DBX2: variants seen among roughly 807,000 people sequenced by gnomAD.
The protein encoded by DBX2 is homeobox protein DBX2.
A neutral mutation model predicts 17.7 loss-of-function variants in DBX2; 16 were observed. The observed-to-expected ratio is 0.90, with a 90% CI of 0.61 to 1.37. DBX2 has a LOEUF of 1.37. Among genes scored for constraint, DBX2 ranks in the 40% most tolerant of loss-of-function variants. The probability of loss-of-function intolerance (pLI) is 0.00; values close to 1 mark genes in which losing one functional copy is unlikely to be tolerated. For synonymous variants in DBX2, 255 were observed against 183.8 expected, an observed-to-expected ratio of 1.39 and a Z score of -3.13; for missense variants, 538 against 433.8, an observed-to-expected ratio of 1.24 and a Z score of -2.13.
chr12:45,045,085 G>A (rs1242066484), intron 1 of DBX2, among the ~76,000 whole-genome samples: 1 of 151,986 alleles, frequency 6.6e-6, no homozygotes, highest in Non-Finnish European at 1.5e-5. Flanking sequence ...TCTAAAATGA[G>A]GATTCTAACA....
In DBX2 at chr12:45,050,512, A is replaced by G. The variant is rs1348864988; in HGVS notation, c.403+13T>C. ...GCGGGCGCGGCTGGGGAGGGAGGGGAGAGCTGGCTCACCTGGCGCTGAAGG... is the reference window on the plus strand; with the variant it reads ...GCGGGCGCGGCTGGGGAGGGAGGGGGGAGCTGGCTCACCTGGCGCTGAAGG... On this transcript the variant is annotated intron_variant, in intron 1 of 3. Transcript: ENST00000332700. The G allele has an allele frequency of 1.9e-6, 3 of 1,544,734 alleles. No homozygotes were observed. The highest frequency in any genetic ancestry group is 2.6e-6 in the Non-Finnish European group (3 of 1,146,032).
intron 2 of DBX2, among the ~76,000 whole-genome samples, chr12:45,030,397 A>G (rs1946403342): frequency 6.6e-6 from 1 of 152,224 alleles, no homozygotes; most frequent in South Asian, 2.1e-4. Context: ...AGACTCACCA[A>G]TAACTCATGT....
chr12:45,035,948 G>C, intron 2 of DBX2, 71 bp downstream of exon 2: 1 of 1,424,846 alleles, frequency 7.0e-7, no homozygotes, highest in Non-Finnish European at 9.5e-7. Flanking sequence ...TAGTTTTCCA[G>C]AGCACATTAA....
In DBX2 at chr12:45,026,575, C is replaced by T. The variant is rs906233138; in HGVS notation, c.500-2681G>A. Among the ~76,000 whole-genome samples the T allele has an allele frequency of 7.2e-5, 11 of 152,202 alleles. 1 individual carries two copies. Among genetic ancestry groups the T allele is most frequent in the Admixed American group, 6.5e-4 (10 of 15,286 alleles). On this transcript the variant is annotated intron_variant, in intron 2 of 3. Transcript: ENST00000332700. ...CCACAACAAATGTACTAACCCTACA[C>T]AATACTGGCATAAACTGATTTGTAT...
chr12:45,035,141 T>G (rs996481982), intron 2 of DBX2, among the ~76,000 whole-genome samples: 1 of 152,252 alleles, frequency 6.6e-6, no homozygotes, highest in African/African-American at 2.4e-5. Context: ...CCAAAACACA[T>G]GCACAGAGGC....
intron 1 of DBX2, among the ~76,000 whole-genome samples, chr12:45,047,500 T>C (rs1374531921): frequency 6.6e-6 from 1 of 152,122 alleles, no homozygotes; most frequent in East Asian, 1.9e-4. Flanking sequence ...GTGTGGCTTT[T>C]CTTGCTGTAA....
At chr12:45,027,741 C>T (rs11182798) in intron 2 of DBX2, among the ~76,000 whole-genome samples, 3,158 of 152,310 alleles carry the variant, frequency 0.021, 111 homozygotes, top group East Asian at 0.18. Context: ...AATAATTCGT[C>T]TCCACTGTCC....
chr12:45,050,655 T>G lies in DBX2; in HGVS notation c.273A>C (p.Gln91His). ...VPLKLCPAAE[Q>H]VSPAGAPYGT... ...CGTAGGGCGCCCCGGCGGGGCTAAC[T>G]TGTTCGGCTGCGGGGCACAGCTTTA... Residue 91 changes from glutamine to histidine, a missense_variant, in exon 1 of 4, where the codon CAA (glutamine) becomes CAC (histidine). Physicochemically the swap from Gln to His is conservative, Grantham distance 24. Coordinates refer to ENST00000332700, the MANE Select transcript of DBX2 (RefSeq NM_001004329.3). 1.3e-6 allele frequency: 2 copies of G among 1,549,254 alleles called. No homozygotes were observed. Among genetic ancestry groups the G allele is most frequent in the Non-Finnish European group, 8.7e-7 (1 of 1,146,646 alleles).
chr12:45,036,943 G>A (rs536269345), intron 1 of DBX2, among the ~76,000 whole-genome samples: 1 of 152,244 alleles, frequency 6.6e-6, no homozygotes, highest in East Asian at 1.9e-4. Context: ...TATTCATAAA[G>A]TTTTCAGGAG....
chr12:45,023,552 C>T (rs1946364465), intron 3 of DBX2, among the ~76,000 whole-genome samples, 155 bp downstream of exon 3: 1 of 152,138 alleles, frequency 6.6e-6, no homozygotes, highest in Non-Finnish European at 1.5e-5. Context: ...CAGTACCATG[C>T]CTGGTATAAG....
chr12:45,023,089 T>G (rs979687498), intron 3 of DBX2, among the ~76,000 whole-genome samples: 2 of 152,240 alleles, frequency 1.3e-5, no homozygotes, highest in Non-Finnish European at 2.9e-5. Context: ...GGCCAAACTT[T>G]AAATGGAGTA....
chr12:45,047,213 A>G (rs1946505028), intron 1 of DBX2, among the ~76,000 whole-genome samples: 1 of 152,154 alleles, frequency 6.6e-6, no homozygotes, highest in Non-Finnish European at 1.5e-5. Flanking sequence ...TTAATCAGGC[A>G]TAATATTTTC....
intron 2 of DBX2, among the ~76,000 whole-genome samples, chr12:45,035,515 A>G (rs887920366): frequency 2.0e-5 from 3 of 152,202 alleles, no homozygotes; most frequent in African/African-American, 7.2e-5. Context: ...TCTCTTGAAA[A>G]TATTTCCAAC....
At chr12:45,021,659 C>A (rs1412823877) in intron 3 of DBX2, among the ~76,000 whole-genome samples, 2 of 152,206 alleles carry the variant, frequency 1.3e-5, no homozygotes, top group Non-Finnish European at 2.9e-5. Flanking sequence ...GAGCTGCCCT[C>A]ATGTCCTCTC....
At chr12:45,029,733 C>T (rs779649332) in intron 2 of DBX2, among the ~76,000 whole-genome samples, 7 of 151,648 alleles carry the variant, frequency 4.6e-5, no homozygotes, top group Non-Finnish European at 8.8e-5. Context: ...TGTGGCGGTG[C>T]GTGCCCGTAA....
At chr12:45,031,394 A>G (rs1946410552) in intron 2 of DBX2, among the ~76,000 whole-genome samples, 1 of 152,122 alleles carries the variant, frequency 6.6e-6, no homozygotes, top group Non-Finnish European at 1.5e-5. Context: ...TACTTATCGA[A>G]CAGCTTGATT....
Position 45,050,590 on chromosome 12 carries a change from T to C in DBX2, c.338A>G (p.Asp113Gly). 2 of 1,551,726 alleles carry C rather than the reference T, an allele frequency of 1.3e-6. No homozygotes were observed. The highest frequency in any genetic ancestry group is 1.7e-6 in the Non-Finnish European group (2 of 1,148,128). ...AGCCCGGCCCGGCAGCCTCGCACTG[T>C]CCGCAGAGGGACTGAGCACTTGAAA... ...WAFQVLSPSA[D>G]SARLPGRAPG... Residue 113 changes from aspartate to glycine, a missense_variant, in exon 1 of 4, where the codon GAC becomes GGC. By Grantham distance (94) the Asp-to-Gly change is moderately conservative (BLOSUM62 -1). Transcript: ENST00000332700.
At chr12:45,049,282 C>A (rs537381128) in intron 1 of DBX2, among the ~76,000 whole-genome samples, 1 of 152,204 alleles carries the variant, frequency 6.6e-6, no homozygotes, top group Admixed American at 6.5e-5. Context: ...TTTATTAACT[C>A]TCTTCCAAGT....
In DBX2 at chr12:45,050,657, G is replaced by T; in HGVS notation, c.271C>A (p.Gln91Lys). 1 of 1,549,184 alleles carries T rather than the reference G, an allele frequency of 6.5e-7. No individual in the cohort carries two copies. ...VPLKLCPAAE[Q>K]VSPAGAPYGT... is the part of the protein sequence containing the mutation. ...TAGGGCGCCCCGGCGGGGCTAACTT[G>T]TTCGGCTGCGGGGCACAGCTTTAGG... The change falls in exon 1 of 4, where the codon CAA becomes AAA. Residue 91 changes from glutamine (Q) to lysine (K), a missense_variant. By Grantham distance (53) the Gln-to-Lys change is moderately conservative. Coordinates refer to ENST00000332700, the MANE Select transcript of DBX2 (RefSeq NM_001004329.3).
Sources: gnomAD v4.1 joint callset for allele counts (sites outside exome capture counted in the v4.1 genomes callset) on GRCh38, gnomAD v4.1.1 for gene constraint, MANE v1.5 for transcripts, NCBI Gene and HGNC (gene_info 2026-07-23, HGNC 2026-07-21) for gene names.